EPHA3: variants seen among roughly 807,000 people sequenced by gnomAD.
EPHA3 encodes ephrin type-A receptor 3.
In EPHA3, 42 loss-of-function variants were observed where a neutral mutation model predicts 107.1. That is an observed-to-expected ratio of 0.39 (90% CI 0.31 to 0.51). The LOEUF is 0.51. Among genes scored for constraint, EPHA3 ranks in the 20% least tolerant of loss-of-function variants. The pLI is 0.78. For synonymous variants in EPHA3, 461 were observed against 424.8 expected (o/e 1.09, Z -1.05); for missense variants, 1,183 against 1,211.2 (o/e 0.98, Z 0.35).
chr3:89,250,681 T>C (rs533110854), intron 3 of EPHA3, among the ~76,000 whole-genome samples: 3 of 152,310 alleles, frequency 2.0e-5, no homozygotes, highest in African/African-American at 7.2e-5. Context: ...CATCAGAATT[T>C]CCTTAAAAGG....
At chr3:89,364,651 A>G (rs1402059684) in intron 5 of EPHA3, among the ~76,000 whole-genome samples, 3 of 150,960 alleles carry the variant, frequency 2.0e-5, no homozygotes, top group African/African-American at 7.3e-5. Context: ...CTTGGCCTCA[A>G]AAAGGCAACA....
At chr3:89,352,067 A>C (rs1465723527) in intron 5 of EPHA3, among the ~76,000 whole-genome samples, 5 of 151,204 alleles carry the variant, frequency 3.3e-5, no homozygotes, top group African/African-American at 1.2e-4. Context: ...AAAAGAGAGA[A>C]CGTGACTTCA....
intron 7 of EPHA3, among the ~76,000 whole-genome samples, chr3:89,406,684 C>T (rs1293852555): frequency 6.6e-6 from 1 of 152,072 alleles, no homozygotes; most frequent in African/African-American, 2.4e-5. Flanking sequence ...GTGAGCTGTA[C>T]AAAAACAGGG....
chr3:89,434,990 ATTTAATCTCTC>A (rs1157546503), intron 13 of EPHA3, among the ~76,000 whole-genome samples: 3 of 152,104 alleles, frequency 2.0e-5, no homozygotes, highest in Non-Finnish European at 4.4e-5. Context: ...AACATCATTG[ATTTAATCTCTC>A]ATAATAGGCC....
At chr3:89,119,619 C>A (rs1309370182) in intron 1 of EPHA3, among the ~76,000 whole-genome samples, 3 of 152,022 alleles carry the variant, frequency 2.0e-5, no homozygotes, top group African/African-American at 7.2e-5. Context: ...AATGATACAC[C>A]TGAGATTTTA....
intron 2 of EPHA3, among the ~76,000 whole-genome samples, chr3:89,157,590 G>A (rs1438525188): frequency 6.6e-6 from 1 of 151,952 alleles, no homozygotes. Flanking sequence ...GCTGCTCCAA[G>A]CAGATGACTG....
intron 3 of EPHA3, among the ~76,000 whole-genome samples, chr3:89,267,110 C>A (rs1576277130): frequency 6.6e-6 from 1 of 152,194 alleles, no homozygotes; most frequent in Non-Finnish European, 1.5e-5. Context: ...AAATCAGATT[C>A]TTTCTAAGGC....
chr3:89,416,181 G>A (rs745387691), intron 10 of EPHA3, among the ~76,000 whole-genome samples: 9 of 151,248 alleles, frequency 6.0e-5, no homozygotes, highest in East Asian at 1.9e-4. Flanking sequence ...TTTATTTTGA[G>A]CAGCTTTTAC....
intron 7 of EPHA3, among the ~76,000 whole-genome samples, chr3:89,401,808 A>G (rs1377494161): frequency 6.6e-6 from 1 of 152,066 alleles, no homozygotes; most frequent in Non-Finnish European, 1.5e-5. Flanking sequence ...ATGGGGTTTC[A>G]CCATATTGGT....
intron 5 of EPHA3, among the ~76,000 whole-genome samples, chr3:89,385,866 T>A (rs1708607635): frequency 1.3e-5 from 2 of 152,132 alleles, no homozygotes; most frequent in South Asian, 4.1e-4. Flanking sequence ...TTAAATGGCT[T>A]TGACCAAAAT....
At chr3:89,412,453 AT>A (rs1230098764) in intron 9 of EPHA3, among the ~76,000 whole-genome samples, 4 of 151,616 alleles carry the variant, frequency 2.6e-5, no homozygotes, top group Non-Finnish European at 4.4e-5. Flanking sequence ...TAATTATGTT[AT>A]AAAGCTATAC....
chr3:89,323,828 G>C (rs1707099500), intron 3 of EPHA3, among the ~76,000 whole-genome samples: 1 of 151,974 alleles, frequency 6.6e-6, no homozygotes, highest in Non-Finnish European at 1.5e-5. Flanking sequence ...TGTATTTCTA[G>C]ATCACTTTGG....
At chr3:89,238,024 C>A (rs1704813937) in intron 3 of EPHA3, among the ~76,000 whole-genome samples, 2 of 151,714 alleles carry the variant, frequency 1.3e-5, no homozygotes, top group African/African-American at 4.8e-5. Flanking sequence ...ACTTAAAACC[C>A]TACATGAAGA....
chr3:89,172,172 G>A (rs1472849305), intron 2 of EPHA3, among the ~76,000 whole-genome samples: 2 of 152,134 alleles, frequency 1.3e-5, no homozygotes, highest in Admixed American at 6.5e-5. Context: ...GCAAGGATGG[G>A]CTTTTTCTTT....
In EPHA3 at chr3:89,127,229, A is replaced by G. The variant is rs1321323037; in HGVS notation, c.109A>G (p.Thr37Ala). ...TTTAGTCAATCTACTGGATTCAAAA[A>G]CAATTCAAGGGGAGCTGGGCTGGAT... ...SNEVNLLDSK[T>A]IQGELGWISY... is the part of the protein sequence containing the mutation. Residue 37 changes from threonine to alanine, a missense_variant, in exon 2 of 17, where the codon ACA becomes GCA. Coordinates refer to ENST00000336596, the MANE Select transcript of EPHA3 (RefSeq NM_005233.6). 1.9e-6 allele frequency: 3 copies of G among 1,612,316 alleles called. No homozygotes were observed. In the African/African-American group the frequency reaches 4.0e-5, roughly 22 times the overall value.
chr3:89,172,411 A>G (rs1380178366), intron 2 of EPHA3, among the ~76,000 whole-genome samples: 2 of 152,178 alleles, frequency 1.3e-5, no homozygotes, highest in Non-Finnish European at 2.9e-5. Flanking sequence ...ACTGGCCAGT[A>G]ACTGACAGAC....
At position 89,252,870 on chromosome 3, in the gene EPHA3, A is replaced by G. The variant is rs1369529881; in HGVS notation, c.814+42350A>G. ...AATTTTTATATACATTATACTTAAT[A>G]TAATATATGATATTTCTTATTTAAT... is the stretch of plus-strand genomic sequence containing the variant. On this transcript the variant is annotated intron_variant, in intron 3 of 16. Transcript: ENST00000336596. 6.0e-5 allele frequency among the ~76,000 whole-genome samples: 9 copies of G among 149,616 alleles called. No homozygotes were observed. In the East Asian group the frequency reaches 9.7e-4, roughly 16 times the overall value.
intron 5 of EPHA3, among the ~76,000 whole-genome samples, chr3:89,392,791 T>A (rs914727458): frequency 2.6e-5 from 4 of 152,152 alleles, no homozygotes; most frequent in Admixed American, 2.0e-4. Flanking sequence ...CTTTGATATC[T>A]GAAAATTAAT....
chr3:89,154,270 GTTT>G, intron 2 of EPHA3, among the ~76,000 whole-genome samples: 1 of 140,908 alleles, frequency 7.1e-6, no homozygotes, highest in African/African-American at 2.5e-5. Context: ...GTTTTTGTTT[GTTT>G]TTTTTTTTTT....
Sources: gnomAD v4.1 joint callset for allele counts (sites outside exome capture counted in the v4.1 genomes callset) on GRCh38, gnomAD v4.1.1 for gene constraint, MANE v1.5 for transcripts, NCBI Gene and HGNC (gene_info 2026-07-23, HGNC 2026-07-21) for gene names.